TEX11: variants seen among roughly 807,000 people sequenced by gnomAD.
The protein encoded by TEX11 is testis-expressed protein 11.
Under a neutral mutation model 84.4 loss-of-function variants are expected in TEX11, and 7 were observed. The ratio of observed to expected loss-of-function variants is 0.08; its 90% CI spans 0.05 to 0.16. TEX11 has a LOEUF of 0.16. Among genes scored for constraint, TEX11 ranks in the 10% least tolerant of loss-of-function variants. The pLI is 1.00. For missense variants in TEX11, 551 were observed against 660.5 expected (o/e 0.83, Z 1.82); for synonymous variants, 264 against 222.8 (o/e 1.18, Z -1.64).
rs35956435 is a variant in TEX11 at position 70,788,973 on chromosome X, T to TAGAGAGAG, written c.692+17724_692+17731dup. ...ATATATATATATATATATATATATATAGAGAGAGAGAGAGAGAGAGAGAGA... is the reference window on the plus strand; with the variant it reads ...ATATATATATATATATATATATATATAGAGAGAGAGAGAGAGAGAGAGAGAGAGAGAGA... On this transcript the variant is annotated intron_variant, in intron 9 of 29. Transcript: ENST00000374333. Among the ~76,000 whole-genome samples the TAGAGAGAG allele has an allele frequency of 3.8e-3, 36 of 9,556 alleles. 1 individual carries two copies. Among genetic ancestry groups the TAGAGAGAG allele is most frequent in the Admixed American group, 6.7e-3 (3 of 450 alleles). 8.3% of individuals were successfully genotyped at this position (9,556 alleles called of 115,157 possible).
intron 9 of TEX11, among the ~76,000 whole-genome samples, chrX:70,750,206 A>T (rs965838029): frequency 1.8e-5 from 2 of 111,832 alleles, no homozygotes; most frequent in Non-Finnish European, 3.8e-5. Context: ...AGAAATGCAA[A>T]TCAAAACCAC....
rs1294101701 is a variant in TEX11 at position 70,744,195 on chromosome X, C to T, written c.717G>A (p.Met239Ile). 5 of 1,030,492 alleles carry T rather than the reference C, an allele frequency of 4.9e-6. No individual in the cohort carries two copies. Among genetic ancestry groups the T allele is most frequent in the Non-Finnish European group, 6.3e-6 (5 of 798,695 alleles). 84.9% of individuals were successfully genotyped at this position (1,030,492 alleles called of 1,213,427 possible). The part of the protein sequence containing the change: ...WLSQSYDIGK[M>I]DKKSTGPEML... ...TTTCTGGCCCAGTAGATTTCTTATC[C>T]ATCTTCCCAATATCATAGCTTTGGC... The change falls in exon 10 of 30, where the codon ATG (methionine) becomes ATA (isoleucine). Residue 239 changes from methionine (M) to isoleucine (I), a missense_variant. By Grantham distance (10) the Met-to-Ile change is conservative. Transcript: ENST00000374333.
chrX:70,713,784 T>C (rs1339437811), intron 13 of TEX11, among the ~76,000 whole-genome samples: 3 of 111,804 alleles, frequency 2.7e-5, no homozygotes, highest in African/African-American at 9.7e-5. Flanking sequence ...TTTGTGTCTC[T>C]ATTTCCTTCA....
At chrX:70,883,394 G>C (rs1280816505) in intron 2 of TEX11, among the ~76,000 whole-genome samples, 2 of 111,132 alleles carry the variant, frequency 1.8e-5, no homozygotes, top group African/African-American at 6.5e-5. Flanking sequence ...GACTACCCTG[G>C]GCAATATAGA....
intron 24 of TEX11, among the ~76,000 whole-genome samples, chrX:70,602,625 C>T (rs1199280834): frequency 2.8e-5 from 3 of 107,763 alleles, no homozygotes; most frequent in Non-Finnish European, 5.8e-5. Flanking sequence ...GGAAGCATTC[C>T]CTTTGAAAAC....
At chrX:70,602,770 T>C (rs2089140139) in intron 24 of TEX11, among the ~76,000 whole-genome samples, 2 of 100,302 alleles carry the variant, frequency 2.0e-5, no homozygotes, top group Admixed American at 2.2e-4. Flanking sequence ...TTGTCCCTGT[T>C]TGCAGATGAC....
chrX:70,782,645 CAAAAAAAAAAAA>C lies in TEX11; in HGVS notation c.692+24048_692+24059del, dbSNP rs780011355. Among the ~76,000 whole-genome samples, 5 of 28,904 alleles carry C rather than the reference CAAAAAAAAAAAA, an allele frequency of 1.7e-4. No individual in the cohort carries two copies. In the East Asian group the frequency reaches 9.5e-3, roughly 55 times the overall value. The allele number at this position is 28,904 out of a possible 115,157, so 25.1% of individuals were successfully genotyped here. ...GAAGATCTACCAAGCAAATGGAAAG[CAAAAAAAAAAAA>C]AAAAAAAAACAGGGGTTGCAATCCT... On this transcript the variant is annotated intron_variant, in intron 9 of 29. Coordinates refer to ENST00000374333, the MANE Select transcript of TEX11 (RefSeq NM_031276.3).
At chrX:70,725,370 A>T (rs6653304) in intron 11 of TEX11, 27 bp from the exon 12 acceptor site, 11 of 1,056,472 alleles carry the variant, frequency 1.0e-5, no homozygotes, top group Non-Finnish European at 1.4e-5. Context: ...AATCACAATG[A>T]TATTAAAATT....
chrX:70,656,133 G>A (rs867637525), intron 16 of TEX11, among the ~76,000 whole-genome samples: 1 of 78,768 alleles, frequency 1.3e-5, no homozygotes, highest in African/African-American at 3.9e-5. Context: ...ATATATATAT[G>A]CCATATGAGG....
chrX:70,584,005 C>T (rs985576667), intron 25 of TEX11, among the ~76,000 whole-genome samples: 4 of 111,662 alleles, frequency 3.6e-5, no homozygotes, highest in East Asian at 2.8e-4. Flanking sequence ...CCTGGCCGGG[C>T]GCGGTGGCTC....
the TEX11 span, among the ~76,000 whole-genome samples, chrX:70,515,597 T>G: frequency 8.9e-6 from 1 of 112,272 alleles, no homozygotes; most frequent in African/African-American, 3.2e-5. Flanking sequence ...GCATGCATCT[T>G]TATAGTAGCA....
intron 28 of TEX11, among the ~76,000 whole-genome samples, chrX:70,547,661 T>C (rs2088149888): frequency 8.9e-6 from 1 of 111,786 alleles, no homozygotes; most frequent in African/African-American, 3.3e-5. Context: ...AAAATACACA[T>C]GAAAAAATGC....
chrX:70,657,696 C>T (rs765214281), intron 16 of TEX11, among the ~76,000 whole-genome samples: 7 of 109,650 alleles, frequency 6.4e-5, no homozygotes, highest in South Asian at 4.1e-4. Flanking sequence ...CAATGATAGA[C>T]TGGATTAAGA....
intron 5 of TEX11, 141 bp downstream of exon 5, chrX:70,860,716 G>C (rs2091564247): frequency 2.3e-6 from 1 of 431,916 alleles, no homozygotes; most frequent in Middle Eastern, 5.4e-4. Flanking sequence ...CATTATAAAA[G>C]GAACACTGAA....
chrX:70,876,440 CA>C (rs2091655938), intron 3 of TEX11, among the ~76,000 whole-genome samples: 2 of 110,964 alleles, frequency 1.8e-5, no homozygotes, highest in African/African-American at 6.5e-5. Context: ...ACTTCATAAT[CA>C]GAAAACATAT....
chrX:70,539,527 A>C (rs1170736425), intron 28 of TEX11, among the ~76,000 whole-genome samples: 2 of 111,010 alleles, frequency 1.8e-5, no homozygotes, highest in African/African-American at 6.6e-5. Context: ...CTTGGTTACA[A>C]AACGCCTTTG....
At chrX:70,668,853 C>T (rs1172751243) in intron 16 of TEX11, among the ~76,000 whole-genome samples, 2 of 111,925 alleles carry the variant, frequency 1.8e-5, no homozygotes, top group Non-Finnish European at 3.8e-5. Flanking sequence ...AAAACAGCCT[C>T]ATATCCTGGC....
chrX:70,608,558 G>A (rs1451370238), intron 22 of TEX11, among the ~76,000 whole-genome samples: 3 of 109,658 alleles, frequency 2.7e-5, no homozygotes, highest in Non-Finnish European at 3.8e-5. Flanking sequence ...TGGCTAACAC[G>A]GTGAAACCCC....
At chrX:70,735,562 G>A (rs773640266) in intron 11 of TEX11, among the ~76,000 whole-genome samples, 6 of 111,456 alleles carry the variant, frequency 5.4e-5, no homozygotes, top group Non-Finnish European at 1.1e-4. Context: ...ACAAAAGAAG[G>A]ACAAAACTTA....
Sources: gnomAD v4.1 joint callset for allele counts (sites outside exome capture counted in the v4.1 genomes callset) on GRCh38, gnomAD v4.1.1 for gene constraint, MANE v1.5 for transcripts, NCBI Gene and HGNC (gene_info 2026-07-23, HGNC 2026-07-21) for gene names.